Variants in DENND2B observed in about 807,000 individuals in gnomAD.
DENND2B encodes DENN domain-containing protein 2B.
Under a neutral mutation model 116.0 loss-of-function variants are expected in DENND2B, and 32 were observed. That is an observed-to-expected ratio of 0.28 (90% CI 0.21 to 0.37). DENND2B has a LOEUF of 0.37. Among genes scored for constraint, DENND2B ranks in the 10% least tolerant of loss-of-function variants. DENND2B has a pLI of 1.00. For missense variants in DENND2B, 1,276 were observed against 1,477.7 expected, an observed-to-expected ratio of 0.86 and a Z score of 2.24; for synonymous variants, 588 against 583.9, an observed-to-expected ratio of 1.01 and a Z score of -0.10.
At chr11:8,884,298 C>T (rs915705983) in intron 1 of DENND2B, among the ~76,000 whole-genome samples, 1 of 150,246 alleles carries the variant, frequency 6.7e-6, no homozygotes, top group Admixed American at 6.6e-5. Flanking sequence ...AAAAAAAAAT[C>T]CTCTTCGGAC....
intron 1 of DENND2B, among the ~76,000 whole-genome samples, chr11:8,755,154 G>A (rs2053387591): frequency 6.6e-6 from 1 of 152,174 alleles, no homozygotes; most frequent in Non-Finnish European, 1.5e-5. Context: ...CAGCCTAGGC[G>A]AACACCACCA....
chr11:8,786,268 A>G (rs1593677589), intron 1 of DENND2B, among the ~76,000 whole-genome samples: 1 of 152,220 alleles, frequency 6.6e-6, no homozygotes, highest in East Asian at 1.9e-4. Context: ...CCAAGACTGC[A>G]TAAGCACTGG....
At chr11:8,843,034 T>TG (rs398115032) in intron 3 of DENND2B, among the ~76,000 whole-genome samples, 1 of 151,792 alleles carries the variant, frequency 6.6e-6, no homozygotes, top group Non-Finnish European at 1.5e-5. Context: ...CTTTTTTTTT[T>TG]GAAATGCAGT....
At chr11:8,810,791 T>TCTTTCTTTCTCA (rs2061324663), upstream of DENND2B, 1 of 151,542 alleles carries the variant, frequency 6.6e-6, no homozygotes, top group Non-Finnish European at 1.5e-5. Context: ...GCTCTCTTTT[T>TCTTTCTTTCTCA]CTTTCTTTCT....
intron 2 of DENND2B, among the ~76,000 whole-genome samples, chr11:8,863,253 CTTTCTT>C (rs1237452667): frequency 1.6e-5 from 2 of 127,704 alleles, no homozygotes; most frequent in Admixed American, 8.7e-5. Context: ...CTTAACGCCA[CTTTCTT>C]TTTTTTTTTT....
intron 1 of DENND2B, among the ~76,000 whole-genome samples, chr11:8,896,567 T>C (rs975951320): frequency 1.3e-5 from 2 of 152,242 alleles, no homozygotes; most frequent in African/African-American, 2.4e-5. Flanking sequence ...CTCTGACTTA[T>C]AAAGATTTGA....
chr11:8,755,561 C>A (rs1415246493), intron 1 of DENND2B, among the ~76,000 whole-genome samples: 2 of 152,104 alleles, frequency 1.3e-5, no homozygotes, highest in Non-Finnish European at 2.9e-5. Context: ...AATGAAACAT[C>A]CCTCCAAGGT....
rs145001485 is a variant in DENND2B at position 8,848,073 on chromosome 11, A to C, written c.-155-8723T>G. Among the ~76,000 whole-genome samples, 362 of 152,260 alleles carry C rather than the reference A, an allele frequency of 2.4e-3. 2 individuals carry two copies. Among genetic ancestry groups the C allele is most frequent in the African/African-American group, 8.5e-3 (352 of 41,558 alleles). ...TTTTTAAGCATAAGAAAAAGAAAAA[A>C]CTCAGCAGGCTGAGAAGACCCAAAT... On this transcript the variant is annotated intron_variant, in intron 3 of 6. Coordinates refer to the DENND2B transcript ENST00000524757.
chr11:8,820,479 A>T (rs773597732), intron 4 of DENND2B, among the ~76,000 whole-genome samples: 4 of 152,198 alleles, frequency 2.6e-5, no homozygotes, highest in Non-Finnish European at 5.9e-5. Context: ...TATTTTTAAT[A>T]ATTTTAAGAA....
intron 1 of DENND2B, among the ~76,000 whole-genome samples, chr11:8,778,227 C>T (rs1387382036): frequency 6.6e-6 from 1 of 152,236 alleles, no homozygotes; most frequent in Non-Finnish European, 1.5e-5. Context: ...ATGAGGACTG[C>T]ATCCAGCCAT....
At chr11:8,735,925 G>C (rs964564021) in intron 2 of DENND2B, among the ~76,000 whole-genome samples, 1 of 152,220 alleles carries the variant, frequency 6.6e-6, no homozygotes, top group African/African-American at 2.4e-5. Context: ...TCTCTGTCTA[G>C]TTGTTTCCTA....
intron 1 of DENND2B, chr11:8,757,080 AC>A (rs1391150288): frequency 4.4e-6 from 2 of 456,168 alleles, no homozygotes; most frequent in East Asian, 1.4e-4. Context: ...ATCCAGACAA[AC>A]AGGCACAGTC....
At chr11:8,854,639 G>A (rs1228436996) in intron 3 of DENND2B, among the ~76,000 whole-genome samples, 1 of 152,220 alleles carries the variant, frequency 6.6e-6, no homozygotes, top group African/African-American at 2.4e-5. Context: ...ACTTTGAGAG[G>A]GCAAGGTGGG....
intron 2 of DENND2B, among the ~76,000 whole-genome samples, chr11:8,736,835 G>A (rs377423967): frequency 2.9e-4 from 44 of 152,300 alleles, no homozygotes; most frequent in African/African-American, 1.0e-3. Flanking sequence ...CCACTGATAA[G>A]ACTTGGGCTT....
chr11:8,774,362 G>T, intron 1 of DENND2B: 1 of 975,004 alleles, frequency 1.0e-6, no homozygotes, highest in Non-Finnish European at 1.2e-6. Flanking sequence ...CACCTTTGTT[G>T]ACAGAAACAT....
At chr11:8,718,369 G>T (rs1350320380) in intron 4 of DENND2B, 1 of 1,535,372 alleles carries the variant, frequency 6.5e-7, no homozygotes, top group South Asian at 1.2e-5. Flanking sequence ...TTTGGAGGGT[G>T]GGCATGGAGG....
chr11:8,855,982 A>G (rs1171656654), intron 3 of DENND2B, among the ~76,000 whole-genome samples: 1 of 152,182 alleles, frequency 6.6e-6, no homozygotes, highest in Non-Finnish European at 1.5e-5. Flanking sequence ...ATTCTTGTTC[A>G]TCTTCAAAAC....
chr11:8,755,198 C>A (rs1254444382), intron 1 of DENND2B, among the ~76,000 whole-genome samples: 1 of 152,214 alleles, frequency 6.6e-6, no homozygotes. Context: ...AACAGTAGTT[C>A]TCTCCCTCTG....
upstream of DENND2B, among the ~76,000 whole-genome samples, chr11:8,874,394 A>G (rs1015183900): frequency 6.6e-6 from 1 of 152,248 alleles, no homozygotes; most frequent in Non-Finnish European, 1.5e-5. Flanking sequence ...AGAACTTGAC[A>G]TCACAAAGAT....
Sources: allele counts gnomAD v4.1 joint callset (sites outside exome capture counted in the v4.1 genomes callset), GRCh38; gene constraint gnomAD v4.1.1; transcripts MANE v1.5; gene names NCBI Gene and HGNC (gene_info 2026-07-23, HGNC 2026-07-21).